CORIN: variants seen among roughly 807,000 people sequenced by gnomAD.
CORIN encodes the protein atrial natriuretic peptide-converting enzyme.
In CORIN, 117 loss-of-function variants were observed where a neutral mutation model predicts 125.3. The observed-to-expected ratio is 0.93, with a 90% CI of 0.80 to 1.09. The LOEUF (loss-of-function observed/expected upper bound fraction) is 1.09, where lower values mean the gene tolerates loss of function less well. Ranked by LOEUF, CORIN falls within the 50% of genes least tolerant of loss-of-function variation. The pLI is 0.00. For synonymous variants in CORIN, 450 were observed against 466.4 expected (o/e 0.96, Z 0.45); for missense variants, 1,253 against 1,306.7 (o/e 0.96, Z 0.63).
intron 3 of CORIN, among the ~76,000 whole-genome samples, chr4:47,768,093 C>A (rs1359740304): frequency 6.6e-6 from 1 of 152,202 alleles, no homozygotes. Context: ...CACCCCGGCT[C>A]AAAAGCTCCC....
At chr4:47,637,496 G>A (rs1723071586) in intron 16 of CORIN, among the ~76,000 whole-genome samples, 1 of 152,184 alleles carries the variant, frequency 6.6e-6, no homozygotes, top group Non-Finnish European at 1.5e-5. Context: ...TGGGACCAGG[G>A]TCCTTGTGCT....
intron 5 of CORIN, among the ~76,000 whole-genome samples, chr4:47,700,720 G>A (rs777405451): frequency 6.6e-6 from 1 of 152,208 alleles, no homozygotes; most frequent in African/African-American, 2.4e-5. Flanking sequence ...GCCCCACACA[G>A]CCATTCCTTT....
chr4:47,630,270 C>T (rs1722757161), intron 16 of CORIN, among the ~76,000 whole-genome samples: 1 of 152,106 alleles, frequency 6.6e-6, no homozygotes, highest in African/African-American at 2.4e-5. Context: ...TAGTAATATA[C>T]ATGCACATCA....
At chr4:47,837,249 G>A (rs1274224940) in intron 1 of CORIN, 1 of 157,296 alleles carries the variant, frequency 6.4e-6, no homozygotes, top group Non-Finnish European at 1.4e-5. Context: ...CCAGTTCTGG[G>A]ATGCCAGCAC....
chr4:47,705,218 G>T (rs571995472), intron 5 of CORIN, among the ~76,000 whole-genome samples: 2 of 152,230 alleles, frequency 1.3e-5, no homozygotes, highest in East Asian at 3.9e-4. Context: ...TTTTCTCCCA[G>T]TGTTTCCTGT....
chr4:47,648,095 T>C (rs1003705683), intron 13 of CORIN, among the ~76,000 whole-genome samples: 24 of 152,134 alleles, frequency 1.6e-4, no homozygotes, highest in African/African-American at 5.3e-4. Flanking sequence ...ACATGGGAGA[T>C]AGTATTATTT....
intron 4 of CORIN, among the ~76,000 whole-genome samples, chr4:47,760,558 A>G (rs1380974685): frequency 2.0e-5 from 3 of 152,168 alleles, no homozygotes; most frequent in Non-Finnish European, 4.4e-5. Context: ...TTACACTTAT[A>G]GAGTATGAGT....
In CORIN at chr4:47,680,757, TTATC is replaced by T. The variant is rs201021853; in HGVS notation, c.1022-510_1022-507del. ...ATGCTAAGCTTAAGTTTTTAATTGA[TTATC>T]TTTTTTTTGAGACAAGGTCTCTCTC... On this transcript the variant is annotated intron_variant, in intron 7 of 21. Coordinates refer to ENST00000273857, the MANE Select transcript of CORIN (RefSeq NM_006587.4). 2.3e-3 allele frequency: 269 copies of T among 116,352 alleles called. 2 individuals carry two copies. The highest frequency in any genetic ancestry group is 5.8e-3 in the African/African-American group (224 of 38,660). 7.2% of individuals were successfully genotyped at this position (116,352 alleles called of 1,614,324 possible).
chr4:47,707,237 C>T (rs562029423), intron 5 of CORIN, among the ~76,000 whole-genome samples: 6 of 151,524 alleles, frequency 4.0e-5, no homozygotes, highest in South Asian at 4.2e-4. Flanking sequence ...AAACATACTG[C>T]GTGGTATAAT....
intron 2 of CORIN, among the ~76,000 whole-genome samples, chr4:47,792,636 T>C (rs774405019): frequency 2.6e-5 from 4 of 152,196 alleles, no homozygotes; most frequent in South Asian, 4.1e-4. Context: ...TATTTCCAGT[T>C]CTCTCTCCTT....
At position 47,665,720 on chromosome 4, in the gene CORIN, T is replaced by C. The variant is rs543630205; in HGVS notation, c.1358-457A>G. Among the ~76,000 whole-genome samples, 69 of 152,304 alleles carry C rather than the reference T, an allele frequency of 4.5e-4. 1 individual carries two copies. Among genetic ancestry groups the C allele is most frequent in the Non-Finnish European group, 3.4e-4 (23 of 68,022 alleles). ...TCTGTCTATATGTTTTATTGTTGAT[T>C]AATGTGTTTAAATATAAGGCTACAA... On this transcript the variant is annotated intron_variant, in intron 10 of 21. Transcript: ENST00000273857.
chr4:47,679,133 A>G (rs1002326551), intron 8 of CORIN, among the ~76,000 whole-genome samples: 1 of 152,240 alleles, frequency 6.6e-6, no homozygotes, highest in African/African-American at 2.4e-5. Flanking sequence ...TAATTCAAAC[A>G]TGCAAAAGAA....
chr4:47,602,770 T>C (rs556941073), intron 20 of CORIN, among the ~76,000 whole-genome samples: 2 of 152,336 alleles, frequency 1.3e-5, no homozygotes, highest in African/African-American at 4.8e-5. Context: ...TTAATGTCTA[T>C]GATTTGCACA....
intron 5 of CORIN, among the ~76,000 whole-genome samples, chr4:47,736,696 T>C (rs35076109): frequency 0.098 from 14,851 of 152,208 alleles, 842 homozygotes; most frequent in East Asian, 0.27. Flanking sequence ...TATGTATTCT[T>C]ATCATTTAGC....
At chr4:47,725,906 AAAC>A (rs1245751085) in intron 5 of CORIN, among the ~76,000 whole-genome samples, 3 of 152,056 alleles carry the variant, frequency 2.0e-5, no homozygotes, top group South Asian at 2.1e-4. Flanking sequence ...GTAAGAAATC[AAAC>A]AACATCAAAC....
At chr4:47,688,810 A>G (rs185358539) in intron 6 of CORIN, among the ~76,000 whole-genome samples, 219 of 152,336 alleles carry the variant, frequency 1.4e-3, no homozygotes, top group African/African-American at 4.4e-3. Flanking sequence ...CACTATACAA[A>G]AAAGTAAAAT....
Position 47,692,418 on chromosome 4 carries a change from C to CA in CORIN, c.913+551dup, listed in dbSNP as rs1487046936. Among the ~76,000 whole-genome samples the CA allele has an allele frequency of 2.6e-5, 4 of 152,134 alleles. No individual in the cohort carries two copies. In the East Asian group the frequency reaches 7.7e-4, roughly 29 times the overall value. ...ACTTGAAATCTGAATCTATATTGGA[C>CA]AAACCACTGGCCAATTCAGTCAAAA... On this transcript the variant is annotated intron_variant, in intron 6 of 21. Coordinates refer to ENST00000273857, the MANE Select transcript of CORIN (RefSeq NM_006587.4).
intron 5 of CORIN, among the ~76,000 whole-genome samples, chr4:47,719,639 G>C (rs1228554516): frequency 6.6e-6 from 1 of 152,124 alleles, no homozygotes; most frequent in Non-Finnish European, 1.5e-5. Context: ...GAGTTTCATA[G>C]CTAAACAAGA....
chr4:47,825,873 T>C (rs1041502357), intron 1 of CORIN, among the ~76,000 whole-genome samples: 1 of 151,432 alleles, frequency 6.6e-6, no homozygotes, highest in Non-Finnish European at 1.5e-5. Context: ...CTGGTCAATT[T>C]TTGTATTTTT....
Sources: gnomAD v4.1 joint callset for allele counts (sites outside exome capture counted in the v4.1 genomes callset) on GRCh38, gnomAD v4.1.1 for gene constraint, MANE v1.5 for transcripts, NCBI Gene and HGNC (gene_info 2026-07-23, HGNC 2026-07-21) for gene names.